The following NKAIN2 variants were observed in gnomAD, a reference collection of about 807,000 sequenced individuals.
NKAIN2 encodes sodium/potassium transporting ATPase interacting 2.
In NKAIN2, 14 loss-of-function variants were observed where a neutral mutation model predicts 32.6. The observed-to-expected ratio is 0.43, with a 90% CI of 0.28 to 0.67. NKAIN2 has a LOEUF of 0.67. NKAIN2 is among the 30% of genes least tolerant of loss of function. The pLI is 0.17. For missense variants in NKAIN2, 198 were observed against 258.3 expected (o/e 0.77, Z 1.60); for synonymous variants, 80 against 87.2 (o/e 0.92, Z 0.46).
chr6:124,119,321 A>G (rs1785763607), intron 1 of NKAIN2, among the ~76,000 whole-genome samples: 1 of 152,204 alleles, frequency 6.6e-6, no homozygotes, highest in Admixed American at 6.5e-5. Flanking sequence ...TGACTCATGG[A>G]AAGTACAATA....
At chr6:124,301,454 T>A (rs1341502165) in intron 2 of NKAIN2, among the ~76,000 whole-genome samples, 1 of 152,076 alleles carries the variant, frequency 6.6e-6, no homozygotes, top group African/African-American at 2.4e-5. Context: ...CACTGCCTAG[T>A]GGAGCTGTGA....
chr6:124,356,018 A>C (rs1171995252), intron 3 of NKAIN2, among the ~76,000 whole-genome samples: 1 of 152,204 alleles, frequency 6.6e-6, no homozygotes, highest in African/African-American at 2.4e-5. Context: ...GAGGTAATCC[A>C]TTCAAGGTAG....
intron 1 of NKAIN2, among the ~76,000 whole-genome samples, chr6:123,998,557 C>T (rs1779732442): frequency 6.6e-6 from 1 of 152,010 alleles, no homozygotes; most frequent in African/African-American, 2.4e-5. Context: ...AAAATCAAGA[C>T]ATCTTTCGTA....
At chr6:124,201,920 T>G (rs1790612416) in intron 1 of NKAIN2, among the ~76,000 whole-genome samples, 1 of 152,038 alleles carries the variant, frequency 6.6e-6, no homozygotes, top group Admixed American at 6.6e-5. Flanking sequence ...TTTCTTTTTG[T>G]ATTTTCTGCA....
At position 124,515,478 on chromosome 6, in the gene NKAIN2, G is replaced by A. The variant is rs184859446; in HGVS notation, c.274-142708G>A. 1.7e-3 allele frequency among the ~76,000 whole-genome samples: 253 copies of A among 152,036 alleles called. 2 individuals are homozygous for A. Among genetic ancestry groups the A allele is most frequent in the African/African-American group, 6.0e-3 (247 of 41,498 alleles). On this transcript the variant is annotated intron_variant, in intron 3 of 6. Transcript: ENST00000368417. ...CAGAGAGGAAGCAAGAGAGAGGTGA[G>A]AGGTGCTAGCGTCTTTTAAAAAACC... is the stretch of plus-strand genomic sequence containing the variant.
At chr6:124,434,273 G>A (rs188481422) in intron 3 of NKAIN2, among the ~76,000 whole-genome samples, 277 of 152,246 alleles carry the variant, frequency 1.8e-3, no homozygotes, top group African/African-American at 6.5e-3. Context: ...TCAGTGGGAA[G>A]GGGCTTTGCA....
intron 3 of NKAIN2, among the ~76,000 whole-genome samples, chr6:124,512,193 A>C: frequency 6.6e-6 from 1 of 152,170 alleles, no homozygotes; most frequent in East Asian, 1.9e-4. Context: ...GTATATTTGA[A>C]ACATCCACAA....
At chr6:124,470,301 T>C (rs757493898) in intron 3 of NKAIN2, among the ~76,000 whole-genome samples, 7 of 151,978 alleles carry the variant, frequency 4.6e-5, no homozygotes, top group Non-Finnish European at 1.5e-5. Context: ...ATAAGGGATT[T>C]TAATTTCTAT....
intron 3 of NKAIN2, among the ~76,000 whole-genome samples, chr6:124,361,249 T>G (rs1799274464): frequency 6.6e-6 from 1 of 152,086 alleles, no homozygotes. Context: ...CTTAGTGGTC[T>G]TCTGGATTGT....
At chr6:124,087,305 A>G (rs1213566440) in intron 1 of NKAIN2, among the ~76,000 whole-genome samples, 1 of 151,980 alleles carries the variant, frequency 6.6e-6, no homozygotes, top group Non-Finnish European at 1.5e-5. Flanking sequence ...CAAAAATCCT[A>G]CAGCTAACAA....
At chr6:124,495,810 C>T (rs1460108548) in intron 3 of NKAIN2, among the ~76,000 whole-genome samples, 1 of 152,098 alleles carries the variant, frequency 6.6e-6, no homozygotes, top group Admixed American at 6.6e-5. Flanking sequence ...TTTTGGCTTT[C>T]CACCAGGGGT....
intron 1 of NKAIN2, among the ~76,000 whole-genome samples, chr6:123,903,127 A>G (rs1209181569): frequency 6.6e-6 from 1 of 152,220 alleles, no homozygotes; most frequent in Non-Finnish European, 1.5e-5. Flanking sequence ...ATAGTGAGTG[A>G]AAGTCGTTAT....
At chr6:124,199,141 AGAC>A (rs747112469) in intron 1 of NKAIN2, among the ~76,000 whole-genome samples, 2 of 152,212 alleles carry the variant, frequency 1.3e-5, no homozygotes, top group Non-Finnish European at 2.9e-5. Context: ...AATTGTAGTT[AGAC>A]GACAGGATTT....
At position 123,999,350 on chromosome 6, in the gene NKAIN2, G is replaced by T. The variant is rs1282887915; in HGVS notation, c.54+195096G>T. 2.6e-5 allele frequency among the ~76,000 whole-genome samples: 4 copies of T among 152,136 alleles called. No individual in the cohort carries two copies. In the East Asian group the frequency reaches 7.7e-4, roughly 29 times the overall value. ...TAAGGTCAGTGTGTGTCTGGGGTCA[G>T]CTTGCCATGTGGGCAGAAAAACTCT... On this transcript the variant is annotated intron_variant, in intron 1 of 6. Transcript: ENST00000368417.
intron 5 of NKAIN2, among the ~76,000 whole-genome samples, chr6:124,805,179 A>AG (rs1275396799): frequency 1.3e-5 from 2 of 152,190 alleles, no homozygotes; most frequent in African/African-American, 4.8e-5. Flanking sequence ...GAATGGGCAG[A>AG]ATGCCTCCTC....
At chr6:123,906,272 T>G (rs1774862472) in intron 1 of NKAIN2, among the ~76,000 whole-genome samples, 1 of 152,056 alleles carries the variant, frequency 6.6e-6, no homozygotes, top group Admixed American at 6.6e-5. Context: ...TTTCTTCTTC[T>G]TCTTCTTCTA....
intron 3 of NKAIN2, among the ~76,000 whole-genome samples, chr6:124,412,401 T>C (rs895258312): frequency 1.3e-5 from 2 of 152,196 alleles, no homozygotes; most frequent in African/African-American, 4.8e-5. Flanking sequence ...CAGTCAGGAC[T>C]CTCAGCTGCA....
chr6:124,172,896 G>A (rs1788965820), intron 1 of NKAIN2, among the ~76,000 whole-genome samples: 1 of 152,098 alleles, frequency 6.6e-6, no homozygotes, highest in African/African-American at 2.4e-5. Context: ...GAGTTTGGCT[G>A]TATCTTTGAT....
rs552201927 is a variant in NKAIN2 at position 124,773,368 on chromosome 6, A to G, written c.475-17971A>G. On this transcript the variant is annotated intron_variant, in intron 4 of 6. Transcript: ENST00000368417. Reference sequence around the variant, plus strand: ...CACTGGAAGCCTTTTTAAGATTTGCATTTCTTTTTTCCTGCGGGGAAAGGA... The same window carrying G: ...CACTGGAAGCCTTTTTAAGATTTGCGTTTCTTTTTTCCTGCGGGGAAAGGA... Among the ~76,000 whole-genome samples the G allele has an allele frequency of 2.6e-5, 4 of 152,212 alleles. No individual in the cohort carries two copies. The South Asian group carries it at 8.3e-4, about 32-fold the overall frequency.
Sources: gnomAD v4.1 joint callset for allele counts (sites outside exome capture counted in the v4.1 genomes callset) on GRCh38, gnomAD v4.1.1 for gene constraint, MANE v1.5 for transcripts, NCBI Gene and HGNC (gene_info 2026-07-23, HGNC 2026-07-21) for gene names.